The following DYSF variants were observed in gnomAD, a reference collection of about 807,000 sequenced individuals.
The protein encoded by DYSF is dysferlin, also known as dystrophy-associated fer-1-like 1.
A neutral mutation model predicts 274.9 loss-of-function variants in DYSF; 212 were observed. The observed-to-expected ratio is 0.77, with a 90% CI of 0.69 to 0.86. DYSF has a LOEUF of 0.86. Among genes scored for constraint, DYSF ranks in the 40% least tolerant of loss-of-function variants. The pLI, the probability that DYSF is intolerant of heterozygous loss-of-function variation, is 0.00. For synonymous variants in DYSF, 1,091 were observed against 1,078.7 expected, an observed-to-expected ratio of 1.01 and a Z score of -0.22; for missense variants, 2,666 against 2,783.2, an observed-to-expected ratio of 0.96 and a Z score of 0.95.
At chr2:71,522,611 T>C (rs2087421277) in intron 12 of DYSF, among the ~76,000 whole-genome samples, 1 of 152,134 alleles carries the variant, frequency 6.6e-6, no homozygotes, top group African/African-American at 2.4e-5. Context: ...GACTTGTAAA[T>C]TGCTCTTCTC....
chr2:71,668,434 A>G (rs1392026925), intron 48 of DYSF, among the ~76,000 whole-genome samples: 4 of 152,138 alleles, frequency 2.6e-5, no homozygotes, highest in Non-Finnish European at 5.9e-5. Context: ...TGAGCCCTCC[A>G]TAACTGAACG....
At chr2:71,453,712 A>C in exon 1 of DYSF, 1 of 487,780 alleles carries the variant, frequency 2.1e-6, no homozygotes, top group Non-Finnish European at 3.8e-6. Context: ...GAGCTCGGGA[A>C]GGGCGGCGGG....
At chr2:71,546,661 A>G (rs909634578) in intron 17 of DYSF, among the ~76,000 whole-genome samples, 1 of 152,268 alleles carries the variant, frequency 6.6e-6, no homozygotes, top group African/African-American at 2.4e-5. Flanking sequence ...ATACATAGGA[A>G]ACTCATGCTC....
intron 45 of DYSF, among the ~76,000 whole-genome samples, chr2:71,661,418 A>G (rs2094879686): frequency 6.6e-6 from 1 of 152,134 alleles, no homozygotes; most frequent in Non-Finnish European, 1.5e-5. Context: ...AAAGGATTTC[A>G]TGTTTTCCCA....
At chr2:71,636,961 ACTGCTC>A (rs1196811961) in intron 41 of DYSF, among the ~76,000 whole-genome samples, 1 of 152,174 alleles carries the variant, frequency 6.6e-6, no homozygotes, top group Non-Finnish European at 1.5e-5. Context: ...TCTGCCAAAT[ACTGCTC>A]CTGGATTGAT....
In DYSF at chr2:71,619,204, A is replaced by G. The variant is rs115553794; in HGVS notation, c.4465-1343A>G. On this transcript the variant is annotated intron_variant, in intron 40 of 55. Coordinates refer to ENST00000410020, the MANE Select transcript of DYSF (RefSeq NM_001130987.2). ...GGTTCAGGATGCAAATGGGAGGGGCAGAGCTGCTGCCTGGCGAGGCCCGTC... is the reference window on the plus strand; with the variant it reads ...GGTTCAGGATGCAAATGGGAGGGGCGGAGCTGCTGCCTGGCGAGGCCCGTC... Among the ~76,000 whole-genome samples, 201 of 152,212 alleles carry G rather than the reference A, an allele frequency of 1.3e-3. 1 individual carries two copies. The highest frequency in any genetic ancestry group is 4.7e-3 in the African/African-American group (196 of 41,520).
chr2:71,678,600 ATAG>A (rs1044670264), intron 52 of DYSF, among the ~76,000 whole-genome samples: 2 of 152,162 alleles, frequency 1.3e-5, no homozygotes, highest in African/African-American at 4.8e-5. Flanking sequence ...AGTTTTAGAA[ATAG>A]TAGTGATGGT....
rs1345401573 is a variant in DYSF at position 71,643,982 on chromosome 2, T to C, written c.4545T>C (p.Asp1515=). The C allele has an allele frequency of 1.2e-6, 2 of 1,611,388 alleles. No individual in the cohort carries two copies. Among genetic ancestry groups the C allele is most frequent in the Non-Finnish European group, 1.7e-6 (2 of 1,178,824 alleles). ...CCACTCAGGAGGAAGAGTTCATCGA[T>C]TGGTGGAGCAAATTCTTTGCCTCCA... is the stretch of plus-strand genomic sequence containing the variant. ...PSSPHEEEFI[D]WWSKFFASIG... is the part of the protein sequence containing the mutation. Residue 1515 remains aspartate (D), a synonymous_variant, in exon 42 of 56, where the codon GAT becomes GAC. Coordinates refer to ENST00000410020, the MANE Select transcript of DYSF (RefSeq NM_001130987.2).
At chr2:71,519,147 G>A (rs981993522) in intron 10 of DYSF, among the ~76,000 whole-genome samples, 8 of 140,434 alleles carry the variant, frequency 5.7e-5, no homozygotes, top group Non-Finnish European at 1.2e-4. Context: ...CTGATGGCTA[G>A]ATCAGTGGGT....
Position 71,661,353 on chromosome 2 carries a change from A to G in DYSF, c.5003+702A>G, listed in dbSNP as rs546603655. Reference sequence around the variant, plus strand: ...CTTACCTAACCATGGGACATTTGTCAAAATGAAGAAATCATCATTGGTGCA... The same window carrying G: ...CTTACCTAACCATGGGACATTTGTCGAAATGAAGAAATCATCATTGGTGCA... On this transcript the variant is annotated intron_variant, in intron 45 of 55. Transcript: ENST00000410020. Among the ~76,000 whole-genome samples the G allele has an allele frequency of 2.0e-5, 3 of 152,306 alleles. No homozygotes were observed. The South Asian group carries it at 6.2e-4, about 32-fold the overall frequency.
intron 42 of DYSF, among the ~76,000 whole-genome samples, chr2:71,655,758 C>G (rs894127508): frequency 1.3e-5 from 2 of 152,248 alleles, no homozygotes; most frequent in Non-Finnish European, 2.9e-5. Flanking sequence ...ACCCTTTGCT[C>G]ATTCATAATC....
chr2:71,511,335 T>C (rs553655410), intron 4 of DYSF, among the ~76,000 whole-genome samples: 1 of 152,272 alleles, frequency 6.6e-6, no homozygotes, highest in South Asian at 2.1e-4. Context: ...CCTGGAGAAG[T>C]AGGGGCAAGC....
At chr2:71,486,409 C>T (rs1314991914) in intron 3 of DYSF, among the ~76,000 whole-genome samples, 1 of 152,068 alleles carries the variant, frequency 6.6e-6, no homozygotes, top group Non-Finnish European at 1.5e-5. Context: ...CCTTCCTGTG[C>T]CCCTCCTTTT....
At chr2:71,571,143 A>C (rs562648996) in intron 29 of DYSF, among the ~76,000 whole-genome samples, 2 of 145,966 alleles carry the variant, frequency 1.4e-5, no homozygotes, top group African/African-American at 2.6e-5. Flanking sequence ...CACCCAGCGC[A>C]TGCACAGATC....
chr2:71,538,627 G>A (rs1417911520), intron 16 of DYSF, among the ~76,000 whole-genome samples: 2 of 152,234 alleles, frequency 1.3e-5, no homozygotes, highest in African/African-American at 4.8e-5. Context: ...AAGGCTAAAA[G>A]TGCCCCATTA....
chr2:71,517,982 C>CCT (rs1177196373), intron 10 of DYSF, among the ~76,000 whole-genome samples: 2 of 152,120 alleles, frequency 1.3e-5, no homozygotes, highest in Non-Finnish European at 1.5e-5. Flanking sequence ...TTTGGGCAGC[C>CCT]CTCCTCCTCA....
At chr2:71,589,985 C>A (rs1414245803) in intron 31 of DYSF, among the ~76,000 whole-genome samples, 1 of 152,178 alleles carries the variant, frequency 6.6e-6, no homozygotes, top group Non-Finnish European at 1.5e-5. Context: ...TCCTCTATCT[C>A]TTCTCCCCAG....
chr2:71,641,353 G>A (rs1443154204), intron 41 of DYSF, among the ~76,000 whole-genome samples: 1 of 151,498 alleles, frequency 6.6e-6, no homozygotes, highest in Non-Finnish European at 1.5e-5. Context: ...TAATTTTTTT[G>A]TATTTTTAGT....
chr2:71,473,257 C>T (rs1299016552), intron 1 of DYSF, among the ~76,000 whole-genome samples: 2 of 152,228 alleles, frequency 1.3e-5, no homozygotes, highest in East Asian at 1.9e-4. Flanking sequence ...TACAGGCCTT[C>T]CTTCAGCCCA....
Sources: gnomAD v4.1 joint callset for allele counts (sites outside exome capture counted in the v4.1 genomes callset) on GRCh38, gnomAD v4.1.1 for gene constraint, MANE v1.5 for transcripts, NCBI Gene and HGNC (gene_info 2026-07-23, HGNC 2026-07-21) for gene names.